The following MAOA variants were observed in gnomAD, a reference collection of about 807,000 sequenced individuals.
MAOA encodes monoamine oxidase A.
A neutral mutation model predicts 42.0 loss-of-function variants in MAOA; 6 were observed. The ratio of observed to expected loss-of-function variants is 0.14; its 90% confidence interval spans 0.08 to 0.28. MAOA has a LOEUF of 0.28. MAOA is among the 10% of genes least tolerant of loss of function. The pLI is 1.00. For missense variants in MAOA, 262 were observed against 422.3 expected, an observed-to-expected ratio of 0.62 and a Z score of 3.33; for synonymous variants, 140 against 154.0, an observed-to-expected ratio of 0.91 and a Z score of 0.67.
intron 1 of MAOA, among the ~76,000 whole-genome samples, chrX:43,659,040 T>C (rs1274586819): frequency 9.0e-6 from 1 of 111,610 alleles, no homozygotes; most frequent in African/African-American, 3.3e-5. Flanking sequence ...ACATTCATAA[T>C]ACATCACCAA....
intron 6 of MAOA, among the ~76,000 whole-genome samples, chrX:43,730,336 T>C (rs2033871062): frequency 9.1e-6 from 1 of 109,456 alleles, no homozygotes; most frequent in Admixed American, 9.8e-5. Context: ...AGGCAGAGGG[T>C]AGAGCACTTC....
intron 2 of MAOA, among the ~76,000 whole-genome samples, chrX:43,691,384 A>G (rs1356976078): frequency 9.0e-6 from 1 of 111,208 alleles, no homozygotes; most frequent in Non-Finnish European, 1.9e-5. Context: ...AAAAAAAAAA[A>G]ATAAAAATAA....
At chrX:43,743,281 A>T (rs2033974159) in intron 12 of MAOA, among the ~76,000 whole-genome samples, 1 of 111,338 alleles carries the variant, frequency 9.0e-6, no homozygotes, top group African/African-American at 3.3e-5. Context: ...TGTTTTCTTA[A>T]AGAGACACAC....
At chrX:43,657,050 AGAG>A (rs1283182286) in intron 1 of MAOA, among the ~76,000 whole-genome samples, 6 of 103,996 alleles carry the variant, frequency 5.8e-5, no homozygotes, top group Non-Finnish European at 9.8e-5. Flanking sequence ...AAAAAAAAAA[AGAG>A]GAGAAGAGGG....
chrX:43,724,426 G>A (rs1288419094), intron 5 of MAOA, among the ~76,000 whole-genome samples: 2 of 111,638 alleles, frequency 1.8e-5, no homozygotes, highest in Admixed American at 9.5e-5. Context: ...ATGTGTCCAG[G>A]AATTTATCCA....
At chrX:43,695,917 G>A (rs1016610584) in intron 3 of MAOA, among the ~76,000 whole-genome samples, 5 of 111,381 alleles carry the variant, frequency 4.5e-5, no homozygotes, top group Admixed American at 9.6e-5. Context: ...TCAACAGATC[G>A]TGACATGCTA....
chrX:43,691,302 A>G (rs1485886639), intron 2 of MAOA, among the ~76,000 whole-genome samples: 1 of 110,467 alleles, frequency 9.1e-6, no homozygotes, highest in Admixed American at 9.7e-5. Context: ...GAGCCCAGGA[A>G]AGTCGAGGCT....
Position 43,744,537 on chromosome X carries a change from T to C in MAOA, c.*24T>C. 1 of 1,202,106 alleles carries C rather than the reference T, an allele frequency of 8.3e-7. No individual in the cohort carries two copies. Among genetic ancestry groups the C allele is most frequent in the African/African-American group, 1.7e-5 (1 of 57,603 alleles). ...GAAGTTCTGTTCTTATGCTCTCTGC[T>C]CACTGGTTTTCAATACCACCAAGAG... On this transcript the variant is annotated 3_prime_UTR_variant, in exon 15 of 15. Transcript: ENST00000338702.
chrX:43,736,024 G>T (rs932079444), intron 9 of MAOA, among the ~76,000 whole-genome samples: 1 of 112,308 alleles, frequency 8.9e-6, no homozygotes, highest in African/African-American at 3.2e-5. Context: ...GTCACCTGTC[G>T]TGTAGGGGAT....
chrX:43,675,586 T>C (rs2033387477), intron 1 of MAOA, among the ~76,000 whole-genome samples: 2 of 112,068 alleles, frequency 1.8e-5, no homozygotes, highest in South Asian at 7.5e-4. Context: ...CTACTTTTGG[T>C]CTTTGATGAT....
intron 4 of MAOA, among the ~76,000 whole-genome samples, chrX:43,712,475 T>A (rs998783877): frequency 8.9e-6 from 1 of 111,835 alleles, no homozygotes; most frequent in Non-Finnish European, 1.9e-5. Flanking sequence ...TATAAATTTG[T>A]ACATAGACAT....
At chrX:43,689,406 G>A (rs999650894) in intron 2 of MAOA, among the ~76,000 whole-genome samples, 1 of 111,365 alleles carries the variant, frequency 9.0e-6, no homozygotes, top group African/African-American at 3.3e-5. Flanking sequence ...TGGGTTAATG[G>A]TTTTCTTCTT....
intron 1 of MAOA, among the ~76,000 whole-genome samples, chrX:43,670,138 C>T (rs2033317259): frequency 8.9e-6 from 1 of 112,000 alleles, no homozygotes; most frequent in Non-Finnish European, 1.9e-5. Flanking sequence ...CCCACCAAGG[C>T]AGAACAATTA....
intron 3 of MAOA, among the ~76,000 whole-genome samples, chrX:43,693,798 C>G (rs775492563): frequency 2.7e-5 from 3 of 110,106 alleles, no homozygotes; most frequent in Non-Finnish European, 5.7e-5. Flanking sequence ...CACACACACA[C>G]ACACACGCAC....
chrX:43,737,717 A>G (rs896383287), intron 10 of MAOA, among the ~76,000 whole-genome samples: 67 of 111,995 alleles, frequency 6.0e-4, no homozygotes, highest in African/African-American at 2.1e-3. Context: ...TCAAAATACC[A>G]TCACCTTGGA....
intron 1 of MAOA, among the ~76,000 whole-genome samples, chrX:43,666,647 A>T (rs181874302): frequency 9.0e-6 from 1 of 110,587 alleles, no homozygotes; most frequent in Non-Finnish European, 1.9e-5. Flanking sequence ...GATGATCTTT[A>T]AAAAAGTTAA....
intron 12 of MAOA, 36 bp from the exon 13 acceptor site, chrX:43,743,758 C>T: frequency 8.6e-7 from 1 of 1,161,331 alleles, no homozygotes; most frequent in Non-Finnish European, 1.2e-6. Context: ...CCCACCTTCC[C>T]AAGTAACTCT....
intron 2 of MAOA, among the ~76,000 whole-genome samples, chrX:43,688,361 G>A (rs1242233407): frequency 9.0e-6 from 1 of 111,343 alleles, no homozygotes; most frequent in African/African-American, 3.3e-5. Flanking sequence ...CCTCACTGCA[G>A]CCACTGTCTC....
chrX:43,670,989 T>C (rs1385788024), intron 1 of MAOA, among the ~76,000 whole-genome samples: 30 of 106,042 alleles, frequency 2.8e-4, no homozygotes, highest in African/African-American at 1.0e-3. Flanking sequence ...ATGGTATTTC[T>C]AGTTCTAGAT....
Sources: gnomAD v4.1 joint callset for allele counts (sites outside exome capture counted in the v4.1 genomes callset) on GRCh38, gnomAD v4.1.1 for gene constraint, MANE v1.5 for transcripts, NCBI Gene and HGNC (gene_info 2026-07-23, HGNC 2026-07-21) for gene names.